Variants in CDK19 observed in about 807,000 individuals in gnomAD.
The protein encoded by CDK19 is cyclin-dependent kinase 19.
CDK19 carries 20 observed loss-of-function variants against 68.3 expected under a neutral mutation model. The ratio of observed to expected loss-of-function variants is 0.29; its 90% CI spans 0.21 to 0.43. The LOEUF (loss-of-function observed/expected upper bound fraction) is 0.43, where lower values mean the gene tolerates loss of function less well. Ranked by LOEUF, CDK19 falls within the 20% of genes least tolerant of loss-of-function variation. The pLI is 1.00. For missense variants in CDK19, 339 were observed against 623.5 expected (o/e 0.54, Z 4.86); for synonymous variants, 221 against 222.8 (o/e 0.99, Z 0.07).
intron 4 of CDK19, among the ~76,000 whole-genome samples, chr6:110,664,055 C>T (rs1474347800): frequency 1.3e-5 from 2 of 152,092 alleles, no homozygotes; most frequent in Non-Finnish European, 2.9e-5. Context: ...AGTACTTAAA[C>T]AAACAAAAAG....
At position 110,658,786 on chromosome 6, in the gene CDK19, G is replaced by C. The variant is rs183654251; in HGVS notation, c.456+8648C>G. 1.3e-3 allele frequency among the ~76,000 whole-genome samples: 204 copies of C among 152,306 alleles called. 1 individual carries two copies. The highest frequency in any genetic ancestry group is 4.8e-3 in the African/African-American group (198 of 41,570). ...TTTGTAAAGCTGAAGGGGCTAGGAA[G>C]AGTATGAGACGACAGGCATTCTGGG... On this transcript the variant is annotated intron_variant, in intron 4 of 12. Transcript: ENST00000368911.
intron 4 of CDK19, chr6:110,646,145 C>T: frequency 2.1e-6 from 2 of 955,644 alleles, no homozygotes; most frequent in Non-Finnish European, 3.2e-6. Context: ...ACACCTTCGG[C>T]ATGGAGAGCA....
At chr6:110,778,028 G>A (rs764552783) in intron 1 of CDK19, among the ~76,000 whole-genome samples, 8 of 152,112 alleles carry the variant, frequency 5.3e-5, no homozygotes, top group Non-Finnish European at 1.2e-4. Context: ...TTTCAGATTT[G>A]TAAGATGAAA....
intron 2 of CDK19, among the ~76,000 whole-genome samples, chr6:110,711,260 A>C (rs551754085): frequency 6.6e-6 from 1 of 152,346 alleles, no homozygotes; most frequent in African/African-American, 2.4e-5. Flanking sequence ...TATTTTCTGT[A>C]GAGAGGGGTT....
At chr6:110,691,923 GGC>G (rs1379722941) in intron 2 of CDK19, among the ~76,000 whole-genome samples, 1 of 150,488 alleles carries the variant, frequency 6.6e-6, no homozygotes, top group Non-Finnish European at 1.5e-5. Context: ...TCAGATTACA[GGC>G]GTGAGCCACT....
chr6:110,767,518 C>T (rs192946424), intron 1 of CDK19, among the ~76,000 whole-genome samples: 1 of 147,864 alleles, frequency 6.8e-6, no homozygotes, highest in Non-Finnish European at 1.5e-5. Context: ...CCATGCCTGG[C>T]TAATTTTTTG....
intron 1 of CDK19, among the ~76,000 whole-genome samples, chr6:110,778,970 C>T (rs1053473029): frequency 1.3e-5 from 2 of 152,138 alleles, no homozygotes; most frequent in African/African-American, 4.8e-5. Context: ...GATGATCCTA[C>T]AGTCATCATG....
intron 2 of CDK19, among the ~76,000 whole-genome samples, chr6:110,720,890 T>C (rs1348476709): frequency 1.3e-5 from 2 of 151,356 alleles, no homozygotes; most frequent in Non-Finnish European, 2.9e-5. Flanking sequence ...AAAAAAAATT[T>C]CATTTGGTTA....
At chr6:110,797,313 C>A (rs1782006619) in intron 1 of CDK19, among the ~76,000 whole-genome samples, 1 of 151,798 alleles carries the variant, frequency 6.6e-6, no homozygotes, top group Non-Finnish European at 1.5e-5. Flanking sequence ...GCACTCCAGC[C>A]TAGGCGACAG....
At chr6:110,743,991 C>T (rs139737906) in intron 2 of CDK19, among the ~76,000 whole-genome samples, 2 of 144,118 alleles carry the variant, frequency 1.4e-5, no homozygotes, top group East Asian at 2.1e-4. Context: ...TCTGGTAAAA[C>T]ATTACAAATA....
At chr6:110,680,529 T>C (rs1771917002) in intron 2 of CDK19, among the ~76,000 whole-genome samples, 1 of 152,204 alleles carries the variant, frequency 6.6e-6, no homozygotes, top group Non-Finnish European at 1.5e-5. Context: ...TTAACTTTCC[T>C]ACTGTTGTTT....
At chr6:110,694,311 G>T (rs1413206516) in intron 2 of CDK19, among the ~76,000 whole-genome samples, 1 of 143,702 alleles carries the variant, frequency 7.0e-6, no homozygotes, top group Non-Finnish European at 1.6e-5. Context: ...ATATGCAAAA[G>T]GAAACTATGT....
At chr6:110,670,800 T>C (rs1330735504) in intron 2 of CDK19, 1 of 567,790 alleles carries the variant, frequency 1.8e-6, no homozygotes, top group Middle Eastern at 2.8e-4. Context: ...TGTCAGAGAC[T>C]GCAAGCAGGA....
At chr6:110,800,785 C>A (rs1264854786) in intron 1 of CDK19, among the ~76,000 whole-genome samples, 2 of 152,144 alleles carry the variant, frequency 1.3e-5, no homozygotes, top group East Asian at 3.8e-4. Flanking sequence ...AAACAAGGCA[C>A]TGAAGGAACA....
At chr6:110,785,980 CA>C (rs200467580) in intron 1 of CDK19, among the ~76,000 whole-genome samples, 13,432 of 126,506 alleles carry the variant, frequency 0.11, 721 homozygotes, top group Middle Eastern at 0.16. Flanking sequence ...AACTCCATCT[CA>C]AAAAAAAAAA....
chr6:110,716,191 T>TC (rs1775376720), intron 2 of CDK19, among the ~76,000 whole-genome samples: 1 of 152,156 alleles, frequency 6.6e-6, no homozygotes, highest in Non-Finnish European at 1.5e-5. Flanking sequence ...CTTTAAAAAA[T>TC]GTTCTTTTAA....
chr6:110,732,114 A>G (rs1250184411), intron 2 of CDK19, among the ~76,000 whole-genome samples: 1 of 150,912 alleles, frequency 6.6e-6, no homozygotes, highest in Non-Finnish European at 1.5e-5. Flanking sequence ...CCATCTAGCT[A>G]ACAGAGAAAT....
chr6:110,764,924 C>T (rs1485547058), intron 1 of CDK19, among the ~76,000 whole-genome samples: 2 of 141,708 alleles, frequency 1.4e-5, no homozygotes, highest in Non-Finnish European at 3.1e-5. Context: ...GTACACAAGC[C>T]TGAGCAACAG....
Position 110,667,623 on chromosome 6 carries a change from G to A in CDK19, c.316-49C>T, listed in dbSNP as rs1416065958. ...TAATATAGTCTTTGCTAATATCTAT[G>A]CCAATAAAACACAATCAATGCTGTA... On this transcript the variant is annotated intron_variant, in intron 3 of 12. Transcript: ENST00000368911. The A allele has an allele frequency of 3.9e-6, 4 of 1,037,980 alleles. No homozygotes were observed. The East Asian group carries it at 8.6e-5, about 22-fold the overall frequency. The allele number at this position is 1,037,980 out of a possible 1,614,324, so 64.3% of individuals were successfully genotyped here. A position where few individuals can be genotyped will look rare whatever the true frequency, so the allele number is the denominator to read the frequency against.
Sources: allele counts gnomAD v4.1 joint callset (sites outside exome capture counted in the v4.1 genomes callset), GRCh38; gene constraint gnomAD v4.1.1; transcripts MANE v1.5; gene names NCBI Gene and HGNC (gene_info 2026-07-23, HGNC 2026-07-21).